Variants in PCDH9 observed in about 807,000 individuals in gnomAD.
PCDH9 encodes the protein protocadherin 9.
In PCDH9, 24 loss-of-function variants were observed where a neutral mutation model predicts 70.6. The ratio of observed to expected loss-of-function variants is 0.34; its 90% CI spans 0.25 to 0.48. PCDH9 has a LOEUF of 0.48. Among genes scored for constraint, PCDH9 ranks in the 20% least tolerant of loss-of-function variants. The probability of loss-of-function intolerance (pLI) is 0.99; values close to 1 mark genes in which losing one functional copy is unlikely to be tolerated. For synonymous variants in PCDH9, 562 were observed against 558.5 expected (o/e 1.01, Z -0.09); for missense variants, 1,281 against 1,503.6 (o/e 0.85, Z 2.45).
intron 2 of PCDH9, among the ~76,000 whole-genome samples, chr13:66,925,248 A>C (rs2082698535): frequency 2.0e-5 from 3 of 151,868 alleles, no homozygotes; most frequent in Non-Finnish European, 2.9e-5. Flanking sequence ...AAGCCATTTT[A>C]TTTTTAAAAA....
At position 66,776,683 on chromosome 13, in the gene PCDH9, T is replaced by C. The variant is rs1471726696; in HGVS notation, c.3138+126821A>G. Among the ~76,000 whole-genome samples the C allele has an allele frequency of 2.6e-5, 4 of 151,938 alleles. No homozygotes were observed. In the East Asian group the frequency reaches 7.7e-4, roughly 29 times the overall value. ...TGCTCATGGGCAGGATGAATCAATATCATGAAAATGGCCATACTGCCCAAG... is the reference window on the plus strand; with the variant it reads ...TGCTCATGGGCAGGATGAATCAATACCATGAAAATGGCCATACTGCCCAAG... On this transcript the variant is annotated intron_variant, in intron 3 of 4. Coordinates refer to ENST00000377865, the MANE Select transcript of PCDH9 (RefSeq NM_203487.3).
At chr13:66,574,352 T>A (rs1443207813) in intron 4 of PCDH9, among the ~76,000 whole-genome samples, 2 of 152,190 alleles carry the variant, frequency 1.3e-5, no homozygotes, top group Non-Finnish European at 2.9e-5. Flanking sequence ...ATGTCTTTAC[T>A]GAACCAGACC....
At chr13:66,410,916 T>C (rs901543720) in intron 4 of PCDH9, among the ~76,000 whole-genome samples, 2 of 152,322 alleles carry the variant, frequency 1.3e-5, no homozygotes, top group Admixed American at 1.3e-4. Context: ...TGTTTTGAAA[T>C]TGATATTTTC....
chr13:66,320,603 T>C (rs1248728841), intron 4 of PCDH9, among the ~76,000 whole-genome samples: 1 of 151,994 alleles, frequency 6.6e-6, no homozygotes, highest in Non-Finnish European at 1.5e-5. Flanking sequence ...CCTTTCAGCA[T>C]GAAATGTAAA....
chr13:66,520,126 T>A (rs79751400), intron 4 of PCDH9, among the ~76,000 whole-genome samples: 1 of 152,216 alleles, frequency 6.6e-6, no homozygotes, highest in East Asian at 1.9e-4. Flanking sequence ...GTGGCTTAAA[T>A]GCCCTTTACG....
At chr13:67,154,605 T>TATACACAC (rs1384212375) in intron 2 of PCDH9, among the ~76,000 whole-genome samples, 1 of 93,282 alleles carries the variant, frequency 1.1e-5, no homozygotes, top group African/African-American at 4.6e-5. Context: ...AATATATATA[T>TATACACAC]ACACACACAC....
At chr13:67,100,775 C>T (rs774163935) in intron 2 of PCDH9, among the ~76,000 whole-genome samples, 58 of 152,196 alleles carry the variant, frequency 3.8e-4, no homozygotes, top group Non-Finnish European at 7.2e-4. Flanking sequence ...TTGCAAATTG[C>T]TCTAAGCTAT....
intron 4 of PCDH9, among the ~76,000 whole-genome samples, chr13:66,341,769 A>T (rs7996220): frequency 0.41 from 61,827 of 151,972 alleles, 13,870 homozygotes; most frequent in Admixed American, 0.56. Context: ...ACTTTTGTAT[A>T]GCAATGGGCA....
intron 4 of PCDH9, among the ~76,000 whole-genome samples, chr13:66,612,572 T>G (rs2077305818): frequency 6.6e-6 from 1 of 151,978 alleles, no homozygotes; most frequent in Non-Finnish European, 1.5e-5. Context: ...TTGCAATATT[T>G]AGAGCATGCT....
chr13:66,515,325 T>C (rs546526543), intron 4 of PCDH9, among the ~76,000 whole-genome samples: 8 of 152,148 alleles, frequency 5.3e-5, no homozygotes, highest in Admixed American at 1.3e-4. Context: ...TCAGACAGCA[T>C]TACTTATATG....
intron 3 of PCDH9, among the ~76,000 whole-genome samples, chr13:66,662,716 A>G (rs2078029506): frequency 6.6e-6 from 1 of 152,190 alleles, no homozygotes; most frequent in Admixed American, 6.5e-5. Flanking sequence ...TTGGTGGTGT[A>G]GGGTTCTGGT....
At chr13:66,692,214 A>G (rs1566509056) in intron 3 of PCDH9, among the ~76,000 whole-genome samples, 4 of 152,176 alleles carry the variant, frequency 2.6e-5, no homozygotes. Context: ...AAGAAAATTA[A>G]AATCTATAGC....
At chr13:67,216,366 A>G (rs2089600693) in intron 2 of PCDH9, 1 of 151,984 alleles carries the variant, frequency 6.6e-6, no homozygotes, top group South Asian at 2.1e-4. Context: ...AATTTTTACT[A>G]TGGTGTAATA....
chr13:66,722,218 T>G (rs1405624597), intron 3 of PCDH9, among the ~76,000 whole-genome samples: 1 of 152,158 alleles, frequency 6.6e-6, no homozygotes, highest in Non-Finnish European at 1.5e-5. Context: ...AAACTGAGGC[T>G]ACGTATCAGG....
At chr13:66,819,842 G>C (rs371898548) in intron 3 of PCDH9, among the ~76,000 whole-genome samples, 1 of 152,142 alleles carries the variant, frequency 6.6e-6, no homozygotes, top group Non-Finnish European at 1.5e-5. Flanking sequence ...GCTACAGTGA[G>C]CAGTGATAAT....
At chr13:66,607,633 A>G (rs1373856177) in intron 4 of PCDH9, among the ~76,000 whole-genome samples, 1 of 152,102 alleles carries the variant, frequency 6.6e-6, no homozygotes, top group Admixed American at 6.5e-5. Flanking sequence ...ATATTTCTGT[A>G]TTCTCATAGT....
chr13:67,032,774 C>G (rs2084932415), intron 2 of PCDH9, among the ~76,000 whole-genome samples: 1 of 152,140 alleles, frequency 6.6e-6, no homozygotes, highest in Admixed American at 6.6e-5. Flanking sequence ...TAATATATCA[C>G]AAAATTGATG....
chr13:66,402,229 G>GA (rs1957200820), intron 4 of PCDH9, among the ~76,000 whole-genome samples: 1 of 152,072 alleles, frequency 6.6e-6, no homozygotes, highest in Non-Finnish European at 1.5e-5. Flanking sequence ...GAGTAGAAGG[G>GA]AAAACATCAT....
At chr13:66,647,628 G>T (rs758540182) in intron 3 of PCDH9, among the ~76,000 whole-genome samples, 4 of 152,122 alleles carry the variant, frequency 2.6e-5, no homozygotes, top group Non-Finnish European at 4.4e-5. Context: ...ATTCCCAGCT[G>T]TGGTGGCTAT....
Sources: gnomAD v4.1 joint callset for allele counts (sites outside exome capture counted in the v4.1 genomes callset) on GRCh38, gnomAD v4.1.1 for gene constraint, MANE v1.5 for transcripts, NCBI Gene and HGNC (gene_info 2026-07-23, HGNC 2026-07-21) for gene names.